The following COL15A1 variants were observed in gnomAD, a reference collection of about 807,000 sequenced individuals.
COL15A1 encodes collagen type XV alpha 1 chain, also known as collagen alpha-1(XV) chain.
Under a neutral mutation model 165.9 loss-of-function variants are expected in COL15A1, and 111 were observed. The ratio of observed to expected loss-of-function variants is 0.67; its 90% CI spans 0.57 to 0.78. The LOEUF (loss-of-function observed/expected upper bound fraction) is 0.78, where lower values mean the gene tolerates loss of function less well. COL15A1 is among the 30% of genes least tolerant of loss of function. The probability of loss-of-function intolerance (pLI) is 0.00; values close to 1 mark genes in which losing one functional copy is unlikely to be tolerated. For missense variants in COL15A1, 1,745 were observed against 1,789.7 expected, an observed-to-expected ratio of 0.98 and a Z score of 0.45; for synonymous variants, 659 against 674.8, an observed-to-expected ratio of 0.98 and a Z score of 0.36.
chr9:98,971,671 T>C (rs1457200515), intron 2 of COL15A1, among the ~76,000 whole-genome samples: 1 of 152,232 alleles, frequency 6.6e-6, no homozygotes, highest in Non-Finnish European at 1.5e-5. Context: ...CAGGAACCAC[T>C]GCTTCTTCCT....
At chr9:98,989,381 G>T in intron 5 of COL15A1, 123 bp downstream of exon 5, 1 of 761,364 alleles carries the variant, frequency 1.3e-6, no homozygotes. Context: ...CTTAATCGTT[G>T]ACTCATCTGG....
At chr9:98,955,141 C>A (rs967126242) in intron 2 of COL15A1, among the ~76,000 whole-genome samples, 1 of 152,208 alleles carries the variant, frequency 6.6e-6, no homozygotes. Context: ...GGTCCAGACA[C>A]CAGCAGGTTT....
At chr9:98,999,467 C>A (rs1193406357) in intron 6 of COL15A1, among the ~76,000 whole-genome samples, 1 of 151,328 alleles carries the variant, frequency 6.6e-6, no homozygotes, top group African/African-American at 2.4e-5. Context: ...TTGGCATGGG[C>A]CCAGCCATAA....
chr9:98,961,206 T>A (rs1837860436), intron 2 of COL15A1, among the ~76,000 whole-genome samples: 1 of 152,234 alleles, frequency 6.6e-6, no homozygotes, highest in Admixed American at 6.5e-5. Context: ...ATGTGTGATA[T>A]CCTGGGCAGA....
chr9:99,063,572 T>G (rs1170633076), intron 39 of COL15A1, among the ~76,000 whole-genome samples: 1 of 152,162 alleles, frequency 6.6e-6, no homozygotes, highest in Non-Finnish European at 1.5e-5. Flanking sequence ...GCCAAAAAGT[T>G]TGACCATTTT....
chr9:98,969,020 A>G (rs1490906490), intron 2 of COL15A1, among the ~76,000 whole-genome samples: 1 of 152,228 alleles, frequency 6.6e-6, no homozygotes, highest in Non-Finnish European at 1.5e-5. Context: ...CCCTTTGTCC[A>G]TGTTAATTGT....
At chr9:98,991,184 G>C (rs890741555) in intron 5 of COL15A1, among the ~76,000 whole-genome samples, 1 of 152,158 alleles carries the variant, frequency 6.6e-6, no homozygotes, top group African/African-American at 2.4e-5. Flanking sequence ...AAAGAACAAA[G>C]CTTCCACAAT....
intron 2 of COL15A1, among the ~76,000 whole-genome samples, chr9:98,981,356 C>A (rs1042772107): frequency 4.6e-5 from 7 of 152,036 alleles, no homozygotes; most frequent in African/African-American, 1.7e-4. Context: ...ACTCAGGAGG[C>A]TGAGGCAAGA....
chr9:98,989,824 C>G (rs182102444), intron 5 of COL15A1, among the ~76,000 whole-genome samples: 102 of 152,296 alleles, frequency 6.7e-4, no homozygotes, highest in Non-Finnish European at 1.3e-3. Flanking sequence ...GAAAGGCAAT[C>G]CTAACTTCCA....
At chr9:99,067,573 C>T (rs912934818) in intron 40 of COL15A1, among the ~76,000 whole-genome samples, 3 of 152,164 alleles carry the variant, frequency 2.0e-5, no homozygotes, top group African/African-American at 4.8e-5. Context: ...AAATAGCAGA[C>T]TCTTTCAAGG....
At chr9:98,994,337 C>G (rs1327831780) in intron 5 of COL15A1, among the ~76,000 whole-genome samples, 1 of 152,148 alleles carries the variant, frequency 6.6e-6, no homozygotes, top group Non-Finnish European at 1.5e-5. Context: ...CTGGACAGAC[C>G]GAGCACTTTC....
intron 15 of COL15A1, 55 bp downstream of exon 15, chr9:99,025,054 G>A (rs1839099978): frequency 6.4e-7 from 1 of 1,558,530 alleles, no homozygotes; most frequent in South Asian, 1.1e-5. Context: ...TCCTTTAGCA[G>A]GGGAGGGGTG....
chr9:99,049,778 G>A lies in COL15A1; in HGVS notation c.2862+20G>A. Reference sequence around the variant, plus strand: ...AAAGGAGTAAGTTGGCACGCAGTGGGAAGACCTTCCCGATTGGCCTAAGCT... The same window carrying A: ...AAAGGAGTAAGTTGGCACGCAGTGGAAAGACCTTCCCGATTGGCCTAAGCT... On this transcript the variant is annotated intron_variant, in intron 29 of 41. Transcript: ENST00000375001. 1 of 1,614,244 alleles carries A rather than the reference G, an allele frequency of 6.2e-7. No individual in the cohort carries two copies. The highest frequency in any genetic ancestry group is 1.1e-5 in the South Asian group (1 of 91,086).
chr9:98,982,763 T>A (rs1216716327), intron 2 of COL15A1, among the ~76,000 whole-genome samples: 2 of 151,900 alleles, frequency 1.3e-5, no homozygotes, highest in Non-Finnish European at 2.9e-5. Flanking sequence ...CACCTCAACC[T>A]CCTGGGTAGC....
At chr9:99,016,708 A>G (rs1221404456) in intron 11 of COL15A1, among the ~76,000 whole-genome samples, 3 of 152,266 alleles carry the variant, frequency 2.0e-5, no homozygotes, top group Admixed American at 6.5e-5. Context: ...TAGGAAACCC[A>G]GACCTGGCCC....
chr9:99,065,984 C>T (rs1187939665), intron 39 of COL15A1, among the ~76,000 whole-genome samples: 1 of 151,914 alleles, frequency 6.6e-6, no homozygotes, highest in East Asian at 1.9e-4. Context: ...CCTCCTGCCC[C>T]ACCGCCTGAG....
chr9:99,007,038 T>C (rs1838774447), intron 9 of COL15A1, among the ~76,000 whole-genome samples: 1 of 152,184 alleles, frequency 6.6e-6, no homozygotes, highest in Non-Finnish European at 1.5e-5. Flanking sequence ...CATCAATCAA[T>C]ATATGTAAGG....
intron 6 of COL15A1, 132 bp downstream of exon 6, chr9:98,997,213 C>T: frequency 9.0e-7 from 1 of 1,113,126 alleles, no homozygotes; most frequent in South Asian, 1.9e-5. Context: ...AGGGTGAGAA[C>T]CACCCTCATT....
At chr9:99,006,164 CAAG>C (rs1178144280) in intron 9 of COL15A1, among the ~76,000 whole-genome samples, 1 of 152,216 alleles carries the variant, frequency 6.6e-6, no homozygotes, top group Non-Finnish European at 1.5e-5. Flanking sequence ...ACCACTTCCT[CAAG>C]AAGATGTCAT....
Sources: gnomAD v4.1 joint callset for allele counts (sites outside exome capture counted in the v4.1 genomes callset) on GRCh38, gnomAD v4.1.1 for gene constraint, MANE v1.5 for transcripts, NCBI Gene and HGNC (gene_info 2026-07-23, HGNC 2026-07-21) for gene names.